The following EXOC6 variants were observed in gnomAD, a reference collection of about 807,000 sequenced individuals.
EXOC6 encodes the protein SEC15-like 1.
In EXOC6, 60 loss-of-function variants were observed where a neutral mutation model predicts 112.5. The ratio of observed to expected loss-of-function variants is 0.53; its 90% CI spans 0.43 to 0.66. The LOEUF is 0.66. Ranked by LOEUF, EXOC6 falls within the 30% of genes least tolerant of loss-of-function variation. EXOC6 has a pLI of 0.00. For synonymous variants in EXOC6, 295 were observed against 308.0 expected (o/e 0.96, Z 0.44); for missense variants, 855 against 957.1 (o/e 0.89, Z 1.41).
At chr10:92,867,524 G>A (rs914136537) in intron 1 of EXOC6, among the ~76,000 whole-genome samples, 1 of 152,098 alleles carries the variant, frequency 6.6e-6, no homozygotes, top group African/African-American at 2.4e-5. Flanking sequence ...CCCATGAGGT[G>A]CAATTATCTG....
At chr10:92,858,804 C>T (rs781706155) in intron 1 of EXOC6, among the ~76,000 whole-genome samples, 5 of 152,120 alleles carry the variant, frequency 3.3e-5, no homozygotes, top group Admixed American at 6.5e-5. Flanking sequence ...CTTGCTCTGT[C>T]ACCCAGGTTG....
chr10:92,858,024 C>CCCCT (rs1554882175), intron 1 of EXOC6, among the ~76,000 whole-genome samples: 1 of 130,358 alleles, frequency 7.7e-6, no homozygotes, highest in African/African-American at 2.8e-5. Flanking sequence ...TGACGGGTTC[C>CCCCT]CCCCCTCCGC....
chr10:92,991,435 C>CA (rs1449664701), intron 18 of EXOC6, among the ~76,000 whole-genome samples: 2,580 of 48,046 alleles, frequency 0.054, 77 homozygotes, highest in East Asian at 0.25. Flanking sequence ...GACTCCATCT[C>CA]AAAAAAAAAA....
intron 1 of EXOC6, among the ~76,000 whole-genome samples, chr10:92,867,173 A>G (rs1442025425): frequency 1.6e-4 from 25 of 152,308 alleles, no homozygotes; most frequent in Non-Finnish European, 7.3e-5. Flanking sequence ...CTTGGTGGAC[A>G]TGAAATTCTT....
intron 1 of EXOC6, among the ~76,000 whole-genome samples, chr10:92,867,468 T>C (rs557401813): frequency 2.6e-4 from 39 of 151,842 alleles, no homozygotes; most frequent in African/African-American, 9.4e-4. Context: ...GCTGCTTGGG[T>C]TTTACTTCTG....
At chr10:93,003,732 A>G (rs1843858134) in intron 19 of EXOC6, among the ~76,000 whole-genome samples, 2 of 152,166 alleles carry the variant, frequency 1.3e-5, no homozygotes, top group Non-Finnish European at 2.9e-5. Context: ...TTTATAGAAT[A>G]TGTATTATGT....
chr10:92,838,249 G>A (rs150417629), intron 1 of EXOC6, among the ~76,000 whole-genome samples: 4 of 152,252 alleles, frequency 2.6e-5, no homozygotes, highest in East Asian at 1.9e-4. Flanking sequence ...GGGTTGTGGC[G>A]ACCAAGAGTC....
intron 1 of EXOC6, among the ~76,000 whole-genome samples, chr10:92,885,163 G>C (rs749049552): frequency 6.6e-6 from 1 of 152,040 alleles, no homozygotes; most frequent in Non-Finnish European, 1.5e-5. Flanking sequence ...CAGTTACAGC[G>C]AGTTAACTCA....
Position 92,841,326 on chromosome 10 carries a change from T to C in EXOC6, c.86+6502T>C, listed in dbSNP as rs187029047. On this transcript the variant is annotated intron_variant, in intron 1 of 21. Transcript: ENST00000371552. Reference sequence around the variant, plus strand: ...TGAGATCATGCAGTATTTGCATTTCTGTGCCTGGCTTACAGTAATGTAAAT... The same window carrying C: ...TGAGATCATGCAGTATTTGCATTTCCGTGCCTGGCTTACAGTAATGTAAAT... Among the ~76,000 whole-genome samples, 33 of 152,378 alleles carry C rather than the reference T, an allele frequency of 2.2e-4. No individual in the cohort carries two copies. In the East Asian group the frequency reaches 6.2e-3, roughly 28 times the overall value.
intron 12 of EXOC6, among the ~76,000 whole-genome samples, chr10:92,939,006 T>G (rs1852509996): frequency 6.6e-6 from 1 of 151,932 alleles, no homozygotes. Flanking sequence ...AAAAGCATGG[T>G]GTGGTGAAAG....
intron 1 of EXOC6, among the ~76,000 whole-genome samples, chr10:92,835,498 G>C (rs1374917281): frequency 6.6e-6 from 1 of 152,230 alleles, no homozygotes; most frequent in East Asian, 1.9e-4. Flanking sequence ...ATCAGTGTGG[G>C]AACAAGATAT....
chr10:92,947,139 C>A (rs1271615113), intron 13 of EXOC6, among the ~76,000 whole-genome samples: 4 of 152,100 alleles, frequency 2.6e-5, no homozygotes, highest in Admixed American at 2.6e-4. Context: ...GTTAGGACAG[C>A]CTAGGTTATG....
chr10:92,843,315 C>G (rs1335949186), intron 1 of EXOC6, among the ~76,000 whole-genome samples: 1 of 152,138 alleles, frequency 6.6e-6, no homozygotes, highest in East Asian at 1.9e-4. Context: ...TGGAGGAGGG[C>G]CCCTGCGACG....
intron 1 of EXOC6, among the ~76,000 whole-genome samples, chr10:92,850,461 A>G (rs535370776): frequency 6.6e-6 from 1 of 152,206 alleles, no homozygotes; most frequent in Non-Finnish European, 1.5e-5. Flanking sequence ...TATAGAGGGT[A>G]CTGCTAGCAG....
intron 20 of EXOC6, among the ~76,000 whole-genome samples, chr10:93,055,105 G>A (rs576604841): frequency 1.6e-4 from 24 of 152,256 alleles, no homozygotes; most frequent in African/African-American, 5.5e-4. Context: ...AGTCTCCAGA[G>A]TAGCTGGGAC....
At chr10:92,853,474 C>T (rs1564773157) in intron 1 of EXOC6, among the ~76,000 whole-genome samples, 1 of 152,030 alleles carries the variant, frequency 6.6e-6, no homozygotes, top group African/African-American at 2.4e-5. Context: ...ATTGGAGGAC[C>T]CATAGACCTG....
chr10:93,050,759 C>CAAAAAAAGAAA (rs1846244147), intron 20 of EXOC6, among the ~76,000 whole-genome samples: 1 of 37,306 alleles, frequency 2.7e-5, no homozygotes, highest in East Asian at 8.6e-4. Flanking sequence ...GACTCCGTCT[C>CAAAAAAAGAAA]AAAAAAAAAA....
intron 20 of EXOC6, among the ~76,000 whole-genome samples, chr10:93,050,635 C>A (rs1846235066): frequency 6.6e-6 from 1 of 151,718 alleles, no homozygotes; most frequent in Admixed American, 6.6e-5. Flanking sequence ...TGGCGTGTGC[C>A]TGTAATGCCA....
chr10:92,981,249 G>A (rs1034762055), intron 18 of EXOC6, among the ~76,000 whole-genome samples: 2 of 152,146 alleles, frequency 1.3e-5, no homozygotes, highest in African/African-American at 4.8e-5. Flanking sequence ...AAGTTGTTGA[G>A]CAGCTTGGAC....
Sources: gnomAD v4.1 joint callset for allele counts (sites outside exome capture counted in the v4.1 genomes callset) on GRCh38, gnomAD v4.1.1 for gene constraint, MANE v1.5 for transcripts, NCBI Gene and HGNC (gene_info 2026-07-23, HGNC 2026-07-21) for gene names.